Variants in TRAK1 observed in about 807,000 individuals in gnomAD.
The protein encoded by TRAK1 is trafficking kinesin-binding protein 1.
Under a neutral mutation model 92.1 loss-of-function variants are expected in TRAK1, and 33 were observed. The ratio of observed to expected loss-of-function variants is 0.36; its 90% confidence interval spans 0.27 to 0.48. The LOEUF (loss-of-function observed/expected upper bound fraction) is 0.48, where lower values mean the gene tolerates loss of function less well. TRAK1 is among the 20% of genes least tolerant of loss of function. The pLI, the probability that TRAK1 is intolerant of heterozygous loss-of-function variation, is 0.99. For synonymous variants in TRAK1, 521 were observed against 517.3 expected, an observed-to-expected ratio of 1.01 and a Z score of -0.10; for missense variants, 1,123 against 1,257.9, an observed-to-expected ratio of 0.89 and a Z score of 1.62.
At chr3:42,029,697 G>A (rs6792094) in intron 1 of TRAK1, among the ~76,000 whole-genome samples, 3,778 of 151,822 alleles carry the variant, frequency 0.025, 62 homozygotes, top group East Asian at 0.06. Context: ...TTACAGGTGC[G>A]TGCCACCATG....
chr3:42,096,544 G>A (rs1362873778), intron 1 of TRAK1, among the ~76,000 whole-genome samples: 12 of 152,192 alleles, frequency 7.9e-5, no homozygotes, highest in Admixed American at 3.3e-4. Context: ...GTGAGCCACC[G>A]CGCATGGCCA....
At chr3:42,063,626 C>T (rs948757399) in intron 1 of TRAK1, among the ~76,000 whole-genome samples, 2 of 150,306 alleles carry the variant, frequency 1.3e-5, no homozygotes, top group African/African-American at 2.5e-5. Context: ...ACAGAGGTTG[C>T]AGTGAGCTGA....
At chr3:42,031,138 C>A (rs142163446) in intron 1 of TRAK1, among the ~76,000 whole-genome samples, 3,727 of 150,096 alleles carry the variant, frequency 0.025, 64 homozygotes, top group East Asian at 0.059. Context: ...CAGATTCGAG[C>A]AATTCTCCTG....
At position 42,223,408 on chromosome 3, in the gene TRAK1, G is replaced by A; in HGVS notation, c.2533G>A (p.Asp845Asn). Residue 845 changes from aspartate (D) to asparagine (N), a missense_variant, in exon 16 of 16, where the codon GAC (aspartate) becomes AAC (asparagine). Asp to Asn is a conservative substitution (Grantham distance 23). This residue lies in a region of TRAK1 where 401 missense variants were observed against 438.9 expected (regional missense o/e 0.91). Coordinates refer to ENST00000327628, the MANE Select transcript of TRAK1 (RefSeq NM_001042646.3). The surrounding 1 kb of genome is among the most constrained non-coding windows in gnomAD (Gnocchi z 6.1). ...DVSVSNLNLV[D>N]KVRRFGVAKV... ...GTCCGTCTCCAACCTCAACCTCGTG[G>A]ACAAAGTCAGGAGGTTTGGGGTGGC... is the stretch of plus-strand genomic sequence containing the variant. 6.2e-7 allele frequency: 1 copy of A among 1,614,160 alleles called. No individual in the cohort carries two copies. Among genetic ancestry groups the A allele is most frequent in the Admixed American group, 1.7e-5 (1 of 60,022 alleles).
chr3:42,143,758 G>A (rs1198455573), intron 2 of TRAK1, among the ~76,000 whole-genome samples: 1 of 152,126 alleles, frequency 6.6e-6, no homozygotes, highest in Non-Finnish European at 1.5e-5. Context: ...CCTGGGCCGA[G>A]GGAGGGCTGT....
At chr3:42,023,840 G>A (rs1433290924) in intron 1 of TRAK1, among the ~76,000 whole-genome samples, 1 of 137,488 alleles carries the variant, frequency 7.3e-6, no homozygotes, top group Non-Finnish European at 1.5e-5. Flanking sequence ...TGCAGCCTCC[G>A]TCTCCCGGGT....
intron 1 of TRAK1, among the ~76,000 whole-genome samples, chr3:42,094,037 C>A (rs1431222395): frequency 6.6e-6 from 1 of 151,890 alleles, no homozygotes; most frequent in Non-Finnish European, 1.5e-5. Context: ...ATGTATCAAT[C>A]TTTGTTCACC....
At chr3:42,213,304 G>A (rs183251319) in intron 14 of TRAK1, among the ~76,000 whole-genome samples, 259 of 152,204 alleles carry the variant, frequency 1.7e-3, no homozygotes, top group Middle Eastern at 0.01. Context: ...TGATCTGACC[G>A]CCTCGACCTC....
chr3:42,045,834 T>G (rs1184103331), intron 1 of TRAK1, among the ~76,000 whole-genome samples: 1 of 152,212 alleles, frequency 6.6e-6, no homozygotes, highest in Non-Finnish European at 1.5e-5. Context: ...CAAGACTCTT[T>G]TACCTGGGAT....
At chr3:42,092,124 C>G (rs1195004834) in intron 1 of TRAK1, among the ~76,000 whole-genome samples, 1 of 151,724 alleles carries the variant, frequency 6.6e-6, no homozygotes, top group African/African-American at 2.4e-5. Flanking sequence ...TTACTAAATG[C>G]TTGGGCCTGG....
At chr3:42,188,314 A>G (rs930284402) in intron 5 of TRAK1, among the ~76,000 whole-genome samples, 169 bp downstream of exon 5, 12 of 152,150 alleles carry the variant, frequency 7.9e-5, no homozygotes, top group African/African-American at 2.9e-4. Context: ...TGATTTTACT[A>G]TTTTAGCGGG....
chr3:42,118,030 A>G (rs9311294), intron 1 of TRAK1, among the ~76,000 whole-genome samples: 104,796 of 151,308 alleles, frequency 0.69, 36,484 homozygotes, highest in South Asian at 0.85. Context: ...ATGTTGGCCA[A>G]GATGGTCTCG....
In TRAK1 at chr3:42,209,903, C is replaced by T. The variant is rs1249850849; in HGVS notation, c.1881C>T (p.Asp627=). Residue 627 remains aspartate, a synonymous_variant, in exon 14 of 16, where the codon GAC becomes GAT. Transcript: ENST00000327628. ...TGGACGAAGTGTACTGCCTTAACGA[C>T]TTTGAAGAAGATGACACAGGTGACC... is the stretch of plus-strand genomic sequence containing the variant. ...VDLDEVYCLN[D]FEEDDTGDHI... is the part of the protein sequence containing the mutation. 1 of 1,614,222 alleles carries T rather than the reference C, an allele frequency of 6.2e-7. No homozygotes were observed. Among genetic ancestry groups the T allele is most frequent in the South Asian group, 1.1e-5 (1 of 91,090 alleles).
intron 2 of TRAK1, chr3:42,149,160 T>C (rs1576628526): frequency 9.8e-7 from 1 of 1,015,888 alleles, no homozygotes; most frequent in Admixed American, 5.8e-5. Context: ...GAGGCTTGAG[T>C]GAGACAGCCA....
At chr3:42,128,116 T>G (rs1275871797) in intron 2 of TRAK1, among the ~76,000 whole-genome samples, 2 of 152,054 alleles carry the variant, frequency 1.3e-5, no homozygotes, top group Admixed American at 1.3e-4. Flanking sequence ...GAGGCGGAGA[T>G]TGTGGTGAGC....
intron 1 of TRAK1, among the ~76,000 whole-genome samples, chr3:42,040,884 GGC>G (rs1490087951): frequency 5.9e-5 from 9 of 151,978 alleles, no homozygotes; most frequent in Non-Finnish European, 1.2e-4. Flanking sequence ...TCACCATGTT[GGC>G]CAGGTTGATC....
chr3:42,081,751 T>C (rs971934476), intron 1 of TRAK1, among the ~76,000 whole-genome samples: 5 of 152,232 alleles, frequency 3.3e-5, no homozygotes. Context: ...CTGGAAATTA[T>C]AATGTTAATG....
intron 1 of TRAK1, among the ~76,000 whole-genome samples, chr3:42,072,107 G>A (rs552873216): frequency 3.3e-5 from 5 of 152,182 alleles, no homozygotes; most frequent in Admixed American, 3.3e-4. Flanking sequence ...GGCTGGCGTC[G>A]TGCCCCTTGG....
chr3:42,199,283 T>C (rs1296776654), intron 11 of TRAK1, 30 bp downstream of exon 11: 15 of 1,612,004 alleles, frequency 9.3e-6, no homozygotes, highest in Non-Finnish European at 1.2e-5. Flanking sequence ...AGTTTTGAGA[T>C]TCCCAGAGAC....
Sources: allele counts gnomAD v4.1 joint callset (sites outside exome capture counted in the v4.1 genomes callset), GRCh38; gene constraint gnomAD v4.1.1; regional missense constraint gnomAD v4.1.1; non-coding constraint Gnocchi (gnomAD v3.1); transcripts MANE v1.5; gene names NCBI Gene and HGNC (gene_info 2026-07-23, HGNC 2026-07-21).